ANKRD36C: variants seen among roughly 807,000 people sequenced by gnomAD.
ANKRD36C encodes ankyrin repeat domain 36C.
A neutral mutation model predicts 276.4 loss-of-function variants in ANKRD36C; 61 were observed. The ratio of observed to expected loss-of-function variants is 0.22; its 90% CI spans 0.18 to 0.27. The LOEUF (loss-of-function observed/expected upper bound fraction) is 0.27. ANKRD36C is among the 10% of genes least tolerant of loss of function. ANKRD36C has a pLI of 1.00. For missense variants in ANKRD36C, 1,447 were observed against 2,032.3 expected (o/e 0.71, Z 5.54); for synonymous variants, 483 against 680.1 (o/e 0.71, Z 4.51).
In ANKRD36C at chr2:95,963,946, TATATATATATAA is replaced by T. The variant is rs1558658559; in HGVS notation, c.800-1411_800-1400del. ...CCAACCAAATATATACATATATAAA[TATATATATATAA>T]ATATATATATATAAATATATATATA... On this transcript the variant is annotated intron_variant, in intron 6 of 66. Transcript: ENST00000456556. 9.6e-5 allele frequency among the ~76,000 whole-genome samples: 8 copies of T among 83,548 alleles called. No homozygotes were observed. The South Asian group carries it at 9.8e-4, about 10-fold the overall frequency. The allele number at this position is 83,548 out of a possible 152,430, so 54.8% of individuals were successfully genotyped here.
chr2:95,930,148 A>G (rs1677525654), intron 24 of ANKRD36C, among the ~76,000 whole-genome samples: 1 of 151,664 alleles, frequency 6.6e-6, no homozygotes. Flanking sequence ...GTTATTCTCT[A>G]GAGAATTTTT....
At chr2:95,927,340 A>C in intron 27 of ANKRD36C, 41 bp downstream of exon 27, 1 of 1,607,494 alleles carries the variant, frequency 6.2e-7, no homozygotes, top group Non-Finnish European at 8.5e-7. Flanking sequence ...TTCATAGACT[A>C]TACAGTTAAT....
chr2:95,938,403 A>G (rs924681043), intron 22 of ANKRD36C, among the ~76,000 whole-genome samples: 3 of 152,208 alleles, frequency 2.0e-5, no homozygotes, highest in Non-Finnish European at 4.4e-5. Flanking sequence ...AGAAGATGTG[A>G]TTAAGATTCT....
chr2:95,959,787 A>G (rs1367236025), intron 10 of ANKRD36C, among the ~76,000 whole-genome samples: 1 of 152,208 alleles, frequency 6.6e-6, no homozygotes, highest in South Asian at 2.1e-4. Context: ...CAAAACATAT[A>G]TCTCTGATGC....
chr2:95,963,669 AAAT>A (rs1678508496), intron 6 of ANKRD36C, among the ~76,000 whole-genome samples: 1 of 118,210 alleles, frequency 8.5e-6, no homozygotes, highest in Admixed American at 9.9e-5. Flanking sequence ...TCTTTTATGC[AAAT>A]ATTCTAAATG....
At chr2:95,854,634 AT>A (rs1381750653) in intron 63 of ANKRD36C, among the ~76,000 whole-genome samples, 27 of 152,230 alleles carry the variant, frequency 1.8e-4, no homozygotes, top group African/African-American at 6.0e-4. Flanking sequence ...ATCAAACATG[AT>A]TTGGCTAAAA....
intron 60 of ANKRD36C, among the ~76,000 whole-genome samples, chr2:95,866,040 G>C (rs1029194336): frequency 4.6e-5 from 7 of 152,084 alleles, no homozygotes; most frequent in African/African-American, 1.4e-4. Flanking sequence ...GTGGAGAAAG[G>C]ATAGCCTTTT....
chr2:95,855,244 A>G (rs767542666), intron 63 of ANKRD36C, 22 bp downstream of exon 83: 95 of 1,525,164 alleles, frequency 6.2e-5, no homozygotes, highest in Non-Finnish European at 7.8e-5. Flanking sequence ...TTTGAAAAAT[A>G]CTTATTTTTC....
intron 6 of ANKRD36C, among the ~76,000 whole-genome samples, chr2:95,965,061 T>C (rs560757842): frequency 6.6e-6 from 1 of 151,906 alleles, no homozygotes; most frequent in Non-Finnish European, 1.5e-5. Context: ...TGAAGAATGG[T>C]GTAATTTTTT....
chr2:95,989,633 A>T (rs560053332), intron 1 of ANKRD36C, among the ~76,000 whole-genome samples: 37 of 152,232 alleles, frequency 2.4e-4, no homozygotes, highest in African/African-American at 7.7e-4. Flanking sequence ...AACAAATTGC[A>T]TGTATCTCTA....
chr2:95,969,373 C>A (rs397833832), intron 6 of ANKRD36C, among the ~76,000 whole-genome samples: 3 of 152,236 alleles, frequency 2.0e-5, no homozygotes, highest in African/African-American at 7.2e-5. Flanking sequence ...GGTGGTTTTA[C>A]TGACTGCAGA....
chr2:95,928,499 T>C lies in ANKRD36C; in HGVS notation c.1837+573A>G, dbSNP rs534231749. On this transcript the variant is annotated intron_variant, in intron 26 of 66. Transcript: ENST00000456556. The stretch of plus-strand genomic sequence containing the variant: ...TTGGAGCAGCCAAAATCAAATCTTC[T>C]TTTATGCAAATATTCTAAATGCATC... Among the ~76,000 whole-genome samples, 6 of 151,704 alleles carry C rather than the reference T, an allele frequency of 4.0e-5. No homozygotes were observed. In the East Asian group the frequency reaches 1.2e-3, roughly 30 times the overall value.
chr2:95,863,383 T>A (rs1478518095), intron 60 of ANKRD36C, among the ~76,000 whole-genome samples: 1 of 152,160 alleles, frequency 6.6e-6, no homozygotes, highest in Non-Finnish European at 1.5e-5. Flanking sequence ...CCCAGCTGGC[T>A]ATGCTGGTGA....
intron 60 of ANKRD36C, among the ~76,000 whole-genome samples, chr2:95,860,528 A>G (rs1675550006): frequency 6.6e-6 from 1 of 152,200 alleles, no homozygotes; most frequent in South Asian, 2.1e-4. Flanking sequence ...ACTAGCTCTG[A>G]TGGAGTAACA....
intron 14 of ANKRD36C, among the ~76,000 whole-genome samples, chr2:95,953,621 A>G (rs575658356): frequency 1.8e-3 from 270 of 152,234 alleles, no homozygotes; most frequent in African/African-American, 5.8e-3. Flanking sequence ...AAAACACTCA[A>G]ATAAGCCTAG....
intron 32 of ANKRD36C, 54 bp downstream of exon 32, chr2:95,923,441 A>T (rs926010526): frequency 9.9e-5 from 157 of 1,586,418 alleles, no homozygotes; most frequent in Non-Finnish European, 1.3e-4. Context: ...CAGGGAAGAG[A>T]AGTTCTTTTC....
At chr2:95,910,681 T>G in intron 42 of ANKRD36C, 113 bp from the exon 45 acceptor site, 1 of 1,552,042 alleles carries the variant, frequency 6.4e-7, no homozygotes, top group Non-Finnish European at 8.7e-7. Context: ...TAGCGCAGGC[T>G]TTGATGGCTT....
intron 62 of ANKRD36C, among the ~76,000 whole-genome samples, 165 bp from the exon 83 acceptor site, chr2:95,856,345 A>G (rs77717634): frequency 6.6e-6 from 1 of 152,226 alleles, no homozygotes; most frequent in Non-Finnish European, 1.5e-5. Flanking sequence ...AACCTCATAC[A>G]GCATAAATTC....
exon 63 of ANKRD36C, chr2:95,855,706 T>C: frequency 6.2e-7 from 1 of 1,612,790 alleles, no homozygotes; most frequent in East Asian, 2.2e-5. Context: ...CTCTCAGCTT[T>C]AGAAAGTTGC....
Sources: allele counts gnomAD v4.1 joint callset (sites outside exome capture counted in the v4.1 genomes callset), GRCh38; gene constraint gnomAD v4.1.1; transcripts MANE v1.5; gene names NCBI Gene and HGNC (gene_info 2026-07-23, HGNC 2026-07-21).